The following MTSS1 variants were observed in gnomAD, a reference collection of about 807,000 sequenced individuals.
The protein encoded by MTSS1 is protein MTSS 1.
MTSS1 carries 18 observed loss-of-function variants against 79.0 expected under a neutral mutation model. The ratio of observed to expected loss-of-function variants is 0.23; its 90% CI spans 0.16 to 0.34. MTSS1 has a LOEUF of 0.34. MTSS1 is among the 10% of genes least tolerant of loss of function. The pLI is 1.00. For synonymous variants in MTSS1, 341 were observed against 368.6 expected, an observed-to-expected ratio of 0.93 and a Z score of 0.86; for missense variants, 815 against 986.2, an observed-to-expected ratio of 0.83 and a Z score of 2.33.
chr8:124,641,630 G>A (rs1818071311), intron 3 of MTSS1, among the ~76,000 whole-genome samples: 1 of 152,192 alleles, frequency 6.6e-6, no homozygotes, highest in Admixed American at 6.5e-5. Flanking sequence ...AAGCTCTGAT[G>A]GCTGGACAGA....
At chr8:124,639,207 G>A (rs953643131) in intron 3 of MTSS1, among the ~76,000 whole-genome samples, 36 of 151,930 alleles carry the variant, frequency 2.4e-4, no homozygotes, top group Non-Finnish European at 4.9e-4. Context: ...CTTTGGTGGC[G>A]CACACCTGTA....
intron 2 of MTSS1, among the ~76,000 whole-genome samples, chr8:124,700,899 A>G (rs1829606721): frequency 6.6e-6 from 1 of 152,200 alleles, no homozygotes; most frequent in African/African-American, 2.4e-5. Flanking sequence ...CTGAAGAAGA[A>G]TAACAATAAG....
At chr8:124,571,803 A>G (rs1208840247) in intron 6 of MTSS1, among the ~76,000 whole-genome samples, 1 of 152,190 alleles carries the variant, frequency 6.6e-6, no homozygotes, top group Non-Finnish European at 1.5e-5. Flanking sequence ...GTCTCTACTA[A>G]AAGTACAAAA....
At chr8:124,653,392 G>C (rs1820354188) in intron 3 of MTSS1, among the ~76,000 whole-genome samples, 1 of 152,162 alleles carries the variant, frequency 6.6e-6, no homozygotes, top group African/African-American at 2.4e-5. Flanking sequence ...TTACAACTAT[G>C]TTGGCATATC....
At chr8:124,625,653 C>T (rs1290553455) in intron 3 of MTSS1, among the ~76,000 whole-genome samples, 4 of 152,210 alleles carry the variant, frequency 2.6e-5, no homozygotes, top group Non-Finnish European at 5.9e-5. Context: ...TTAAGGCACT[C>T]CCCCTGACCC....
At chr8:124,598,894 T>C (rs1414187912) in intron 3 of MTSS1, among the ~76,000 whole-genome samples, 3 of 151,350 alleles carry the variant, frequency 2.0e-5, no homozygotes, top group African/African-American at 7.3e-5. Flanking sequence ...TAGGAAGAGC[T>C]CCTTCACGGG....
At chr8:124,555,956 C>A (rs1283607957) in intron 12 of MTSS1, 52 bp from the exon 13 acceptor site, 2 of 1,591,166 alleles carry the variant, frequency 1.3e-6, no homozygotes, top group South Asian at 1.1e-5. Flanking sequence ...GGGGGCTCAA[C>A]AGCACTCCTG....
At chr8:124,584,251 A>C (rs933891318) in intron 6 of MTSS1, among the ~76,000 whole-genome samples, 1 of 152,234 alleles carries the variant, frequency 6.6e-6, no homozygotes, top group East Asian at 1.9e-4. Context: ...GGTTGTCTCA[A>C]ATTAATGGTA....
chr8:124,627,972 GC>G, intron 3 of MTSS1, among the ~76,000 whole-genome samples: 1 of 152,324 alleles, frequency 6.6e-6, no homozygotes, highest in African/African-American at 2.4e-5. Flanking sequence ...TTAGAGACCA[GC>G]CTGGCCAACA....
rs763541564 is a variant in MTSS1 at position 124,567,060 on chromosome 8, C to T, written c.726+11G>A. 32 of 1,598,178 alleles carry T rather than the reference C, an allele frequency of 2.0e-5. No homozygotes were observed. The African/African-American group carries it at 3.1e-4, about 15-fold the overall frequency. ...GTTTGATCCTGTAAGTGCTTAACCC[C>T]TGAAGCCTACCTGTTCACTTGAGGA... On this transcript the variant is annotated intron_variant, in intron 8 of 13. Transcript: ENST00000518547.
At chr8:124,577,737 C>G in intron 6 of MTSS1, 1 of 456,290 alleles carries the variant, frequency 2.2e-6, no homozygotes, top group Non-Finnish European at 4.4e-6. Context: ...CTGGCTGGAA[C>G]CATCCCACCC....
At chr8:124,623,700 C>A (rs145604443) in intron 3 of MTSS1, among the ~76,000 whole-genome samples, 1 of 152,150 alleles carries the variant, frequency 6.6e-6, no homozygotes, top group Non-Finnish European at 1.5e-5. Context: ...TGTGCAGTGG[C>A]GTGATCTCAG....
chr8:124,589,204 TG>T (rs1465754638), intron 5 of MTSS1, among the ~76,000 whole-genome samples: 3 of 151,686 alleles, frequency 2.0e-5, no homozygotes, highest in Admixed American at 2.0e-4. Context: ...CTAATTTTTG[TG>T]TTTTTAGTAG....
At chr8:124,692,722 A>C (rs570062077) in intron 3 of MTSS1, among the ~76,000 whole-genome samples, 1 of 152,318 alleles carries the variant, frequency 6.6e-6, no homozygotes, top group South Asian at 2.1e-4. Flanking sequence ...TCTGAACTCC[A>C]GGGAGGAATC....
At chr8:124,558,078 G>C (rs1301084484) in intron 10 of MTSS1, 5 of 529,610 alleles carry the variant, frequency 9.4e-6, no homozygotes, top group Non-Finnish European at 1.7e-5. Flanking sequence ...ACATGAGTTT[G>C]ACAGCAAATA....
intron 3 of MTSS1, among the ~76,000 whole-genome samples, chr8:124,670,738 C>G (rs1247458144): frequency 6.6e-6 from 1 of 152,144 alleles, no homozygotes; most frequent in Non-Finnish European, 1.5e-5. Context: ...ATAAAAAGAG[C>G]TCCTGGCTCT....
chr8:124,568,434 A>G lies in MTSS1; in HGVS notation c.563T>C (p.Leu188Ser). The G allele has an allele frequency of 6.2e-7, 1 of 1,614,204 alleles. No homozygotes were observed. The highest frequency in any genetic ancestry group is 8.5e-7 in the Non-Finnish European group (1 of 1,180,032). ...ACAGAATCGGCCACGTTCTTCAATC[A>G]AAGCCTTCCGGACAGCCTGCTTTTC... Reference protein sequence around the residue: ...ETEKQAVRKALIEERGRFCTF... With the variant: ...ETEKQAVRKASIEERGRFCTF... The change falls in exon 7 of 14, where the codon TTG (leucine) becomes TCG (serine). Residue 188 changes from leucine (L) to serine (S), a missense_variant. Leu to Ser is a moderately radical substitution (Grantham distance 145, BLOSUM62 -2). Around this residue, in one of 2 missense-constraint regions of MTSS1, gnomAD observed 225 missense variants for 365.4 expected, o/e 0.62. Transcript: ENST00000518547.
chr8:124,644,927 A>G (rs1450157186), intron 3 of MTSS1, among the ~76,000 whole-genome samples: 1 of 152,224 alleles, frequency 6.6e-6, no homozygotes, highest in Non-Finnish European at 1.5e-5. Flanking sequence ...GAAATTAGGT[A>G]TGTCATACAC....
At chr8:124,580,573 G>C (rs377526462) in intron 6 of MTSS1, 5 of 1,535,766 alleles carry the variant, frequency 3.3e-6, no homozygotes, top group Middle Eastern at 1.7e-4. Flanking sequence ...CTGGCGGGGG[G>C]GCACACGGTG....
Sources: gnomAD v4.1 joint callset for allele counts (sites outside exome capture counted in the v4.1 genomes callset) on GRCh38, gnomAD v4.1.1 for gene constraint, gnomAD v4.1.1 regional missense constraint, MANE v1.5 for transcripts, NCBI Gene and HGNC (gene_info 2026-07-23, HGNC 2026-07-21) for gene names.